Variants in PBX1 observed in about 807,000 individuals in gnomAD.
PBX1 encodes PBX homeobox 1.
In PBX1, 6 loss-of-function variants were observed where a neutral mutation model predicts 53.4. The ratio of observed to expected loss-of-function variants is 0.11; its 90% confidence interval spans 0.06 to 0.22. The LOEUF is 0.22. Among genes scored for constraint, PBX1 ranks in the 10% least tolerant of loss-of-function variants. PBX1 has a pLI of 1.00. For synonymous variants in PBX1, 204 were observed against 212.3 expected, an observed-to-expected ratio of 0.96 and a Z score of 0.34; for missense variants, 251 against 551.4, an observed-to-expected ratio of 0.46 and a Z score of 5.46.
chr1:164,709,590 G>A (rs1185427378), intron 2 of PBX1, among the ~76,000 whole-genome samples: 1 of 151,966 alleles, frequency 6.6e-6, no homozygotes, highest in African/African-American at 2.4e-5. Flanking sequence ...ATTTCACGCA[G>A]ACCACCCACT....
At chr1:164,693,304 C>T (rs1215441566) in intron 2 of PBX1, among the ~76,000 whole-genome samples, 1 of 152,208 alleles carries the variant, frequency 6.6e-6, no homozygotes. Context: ...CCCTGAGATA[C>T]ACAGGGTGCC....
At chr1:164,567,101 T>C (rs184651679) in intron 2 of PBX1, among the ~76,000 whole-genome samples, 4 of 152,284 alleles carry the variant, frequency 2.6e-5, no homozygotes, top group Admixed American at 2.6e-4. Flanking sequence ...TTCTTTTTAA[T>C]ATAGCAATTA....
intron 2 of PBX1, among the ~76,000 whole-genome samples, chr1:164,692,882 A>C (rs750070033): frequency 1.4e-4 from 21 of 152,200 alleles, no homozygotes; most frequent in Non-Finnish European, 2.4e-4. Flanking sequence ...AGGGAATCGA[A>C]GAATGTAAAT....
chr1:164,559,626 C>T lies in PBX1; in HGVS notation c.-197C>T. On this transcript the variant is annotated 5_prime_UTR_variant, in exon 1 of 9. Transcript: ENST00000420696. The stretch of plus-strand genomic sequence containing the variant: ...AACCCCTTCACGCCCCCTCCCCCTC[C>T]CCCTCCTCATCCTCCCACCATCCTC... The T allele has an allele frequency of 2.9e-6, 1 of 343,610 alleles. No homozygotes were observed. The highest frequency in any genetic ancestry group is 5.3e-6 in the Non-Finnish European group (1 of 187,322). 21.3% of individuals were successfully genotyped at this position (343,610 alleles called of 1,614,324 possible). A position where few individuals can be genotyped will look rare whatever the true frequency, so the allele number is the denominator to read the frequency against.
chr1:164,661,398 A>G (rs1458959282), intron 2 of PBX1, among the ~76,000 whole-genome samples: 1 of 150,342 alleles, frequency 6.7e-6, no homozygotes, highest in Non-Finnish European at 1.5e-5. Flanking sequence ...TGGTCTAGGG[A>G]TCACCAGCAA....
intron 2 of PBX1, among the ~76,000 whole-genome samples, chr1:164,663,831 C>T (rs1269722258): frequency 1.3e-5 from 2 of 152,172 alleles, no homozygotes; most frequent in Non-Finnish European, 2.9e-5. Context: ...CATAGTAGAG[C>T]TATGACTAAT....
intron 2 of PBX1, among the ~76,000 whole-genome samples, chr1:164,700,947 A>G (rs1571246630): frequency 6.6e-6 from 1 of 152,324 alleles, no homozygotes; most frequent in Admixed American, 6.5e-5. Context: ...CATGAGAATA[A>G]TAACACTTCA....
intron 2 of PBX1, among the ~76,000 whole-genome samples, chr1:164,882,193 G>T (rs1426410739): frequency 6.6e-6 from 1 of 151,470 alleles, no homozygotes; most frequent in African/African-American, 2.4e-5. Flanking sequence ...GATGATCATT[G>T]GCAGCTCCAG....
chr1:164,766,707 C>G (rs1667071212), intron 2 of PBX1, among the ~76,000 whole-genome samples: 1 of 149,840 alleles, frequency 6.7e-6, no homozygotes, highest in South Asian at 2.1e-4. Context: ...ATTTTCTTTT[C>G]TTTCCTTTTC....
intron 2 of PBX1, chr1:164,769,294 C>G (rs548007790): frequency 1.3e-5 from 2 of 152,222 alleles, no homozygotes; most frequent in East Asian, 3.9e-4. Flanking sequence ...TTTCCTGGCC[C>G]CTACAAAGGT....
chr1:164,688,095 A>G (rs1029181890), intron 2 of PBX1, among the ~76,000 whole-genome samples: 13 of 152,194 alleles, frequency 8.5e-5, no homozygotes, highest in African/African-American at 2.7e-4. Flanking sequence ...TGCCTCTCCC[A>G]GCTCTTTTCC....
rs575619918 is a variant in PBX1, at chr1:164,810,732, C to T, written c.838-1258C>T. Among the ~76,000 whole-genome samples, 5 of 152,248 alleles carry T rather than the reference C, an allele frequency of 3.3e-5. No homozygotes were observed. In the South Asian group the frequency reaches 1.0e-3, roughly 32 times the overall value. ...CTAGATATGCAGTGATCCTGAAATA[C>T]ACCCAAAAGTGTCCTTCCTCCTCCA... On this transcript the variant is annotated intron_variant, in intron 5 of 8. Transcript: ENST00000420696.
chr1:164,670,305 A>G (rs561711897), intron 2 of PBX1, among the ~76,000 whole-genome samples: 29 of 152,346 alleles, frequency 1.9e-4, no homozygotes, highest in African/African-American at 6.7e-4. Flanking sequence ...CCTGGAGGCC[A>G]GGGATTTTGC....
At chr1:164,853,650 G>A (rs145151521), downstream of PBX1, among the ~76,000 whole-genome samples, 747 of 152,234 alleles carry the variant, frequency 4.9e-3, 4 homozygotes, top group South Asian at 0.018. Flanking sequence ...GTTTTCTAGC[G>A]TGCCTTAGCA....
At chr1:164,831,736 G>A (rs1425171385) in intron 8 of PBX1, among the ~76,000 whole-genome samples, 2 of 152,048 alleles carry the variant, frequency 1.3e-5, no homozygotes, top group African/African-American at 4.8e-5. Context: ...TACCTCATTT[G>A]TATAGTTTAC....
At chr1:164,599,426 CT>C (rs1329924827) in intron 2 of PBX1, among the ~76,000 whole-genome samples, 6 of 151,800 alleles carry the variant, frequency 4.0e-5, no homozygotes, top group African/African-American at 1.5e-4. Flanking sequence ...GCATATTTAC[CT>C]TGTTATTTTT....
At chr1:164,828,460 C>T (rs1411158058) in intron 8 of PBX1, 1 of 152,148 alleles carries the variant, frequency 6.6e-6, no homozygotes, top group East Asian at 1.9e-4. Context: ...CAAGAAAATG[C>T]AAGATTGTGT....
At chr1:164,643,157 T>C (rs1659245103) in intron 2 of PBX1, among the ~76,000 whole-genome samples, 1 of 152,158 alleles carries the variant, frequency 6.6e-6, no homozygotes, top group Non-Finnish European at 1.5e-5. Context: ...CCCATCCATC[T>C]TCATCCATCA....
chr1:164,650,962 G>GAA (rs35284541), intron 2 of PBX1, among the ~76,000 whole-genome samples: 59,203 of 146,232 alleles, frequency 0.4, 12,732 homozygotes, highest in East Asian at 0.52. Flanking sequence ...ATGTTGCTCA[G>GAA]AAAAAAAAAA....
Sources: gnomAD v4.1 joint callset for allele counts (sites outside exome capture counted in the v4.1 genomes callset) on GRCh38, gnomAD v4.1.1 for gene constraint, MANE v1.5 for transcripts, NCBI Gene and HGNC (gene_info 2026-07-23, HGNC 2026-07-21) for gene names.